The following MCC variants were observed in gnomAD, a reference collection of about 807,000 sequenced individuals.
MCC encodes colorectal mutant cancer protein.
A neutral mutation model predicts 116.2 loss-of-function variants in MCC; 90 were observed. The ratio of observed to expected loss-of-function variants is 0.77; its 90% confidence interval spans 0.65 to 0.92. MCC has a LOEUF of 0.92. Among genes scored for constraint, MCC ranks in the 40% least tolerant of loss-of-function variants. MCC has a pLI of 0.00. For missense variants in MCC, 1,516 were observed against 1,312.2 expected (o/e 1.16, Z -2.40); for synonymous variants, 578 against 510.5 (o/e 1.13, Z -1.78).
chr5:113,141,503 G>C (rs1463766651), intron 5 of MCC, among the ~76,000 whole-genome samples: 4 of 152,166 alleles, frequency 2.6e-5, no homozygotes, highest in East Asian at 1.9e-4. Flanking sequence ...TAATTCAGAG[G>C]CCAAACCAAT....
intron 6 of MCC, among the ~76,000 whole-genome samples, chr5:113,116,322 CGG>C (rs1191394716): frequency 6.6e-6 from 1 of 152,122 alleles, no homozygotes; most frequent in Non-Finnish European, 1.5e-5. Flanking sequence ...GCTGGGGATG[CGG>C]TAACAACACT....
chr5:113,192,765 A>G (rs573306444), intron 3 of MCC, among the ~76,000 whole-genome samples: 2 of 152,372 alleles, frequency 1.3e-5, no homozygotes, highest in South Asian at 4.1e-4. Flanking sequence ...CCATAGGTTT[A>G]TCAACTAAGA....
At position 113,189,787 on chromosome 5, in the gene MCC, CTTAAA is replaced by C. The variant is rs1050134529; in HGVS notation, c.628-38370_628-38366del. On this transcript the variant is annotated intron_variant, in intron 3 of 18. Transcript: ENST00000408903. The stretch of plus-strand genomic sequence containing the variant: ...AAGGACATGGATGGATACTACCAAA[CTTAAA>C]TTAAATAGGCAAGTTCACTCACTTT... Among the ~76,000 whole-genome samples, 27 of 152,324 alleles carry C rather than the reference CTTAAA, an allele frequency of 1.8e-4. 1 individual carries two copies. The highest frequency in any genetic ancestry group is 5.2e-4 in the Admixed American group (8 of 15,298).
chr5:113,072,304 G>T (rs1416422013), intron 11 of MCC, among the ~76,000 whole-genome samples: 2 of 152,218 alleles, frequency 1.3e-5, no homozygotes, highest in African/African-American at 4.8e-5. Flanking sequence ...GAGTGTAGAA[G>T]AACTAAGATC....
chr5:113,212,294 A>T (rs568384265), intron 3 of MCC, among the ~76,000 whole-genome samples: 20 of 152,326 alleles, frequency 1.3e-4, no homozygotes, highest in African/African-American at 4.6e-4. Context: ...AAGCAGTATG[A>T]TACACATTTC....
chr5:113,302,374 T>C (rs78897606), intron 3 of MCC, among the ~76,000 whole-genome samples: 1 of 152,162 alleles, frequency 6.6e-6, no homozygotes, highest in Non-Finnish European at 1.5e-5. Flanking sequence ...ACTCTGCATA[T>C]TAAAAGAGAC....
At chr5:113,348,096 G>C (rs916118641) in intron 2 of MCC, among the ~76,000 whole-genome samples, 6 of 152,014 alleles carry the variant, frequency 3.9e-5, no homozygotes, top group African/African-American at 1.4e-4. Context: ...GAGAGAGAGA[G>C]ATCTCAATGC....
rs568779960 is a variant in MCC, at chr5:113,073,837, G to A, written c.1785-2603C>T. On this transcript the variant is annotated intron_variant, in intron 11 of 18. Transcript: ENST00000408903. Reference sequence around the variant, plus strand: ...GCCACAGCGAGGTTGGGGGACGGGCGTCCGCCACTGCTGAGGGTTGAGTAG... The same window carrying A: ...GCCACAGCGAGGTTGGGGGACGGGCATCCGCCACTGCTGAGGGTTGAGTAG... Among the ~76,000 whole-genome samples the A allele has an allele frequency of 3.3e-5, 5 of 152,300 alleles. No homozygotes were observed. In the East Asian group the frequency reaches 7.7e-4, roughly 24 times the overall value.
chr5:113,192,140 G>T (rs1259703313), intron 3 of MCC, among the ~76,000 whole-genome samples: 3 of 152,218 alleles, frequency 2.0e-5, no homozygotes, highest in Non-Finnish European at 4.4e-5. Context: ...AGTGCCACAT[G>T]CCCCTTCCTT....
chr5:113,245,858 T>C (rs909757228), intron 3 of MCC, among the ~76,000 whole-genome samples: 2 of 152,128 alleles, frequency 1.3e-5, no homozygotes, highest in African/African-American at 4.8e-5. Flanking sequence ...AGGAAAAAAG[T>C]CACCAGGAGT....
chr5:113,248,827 CTCT>C lies in MCC; in HGVS notation c.627+91689_627+91691del, dbSNP rs767573196. Among the ~76,000 whole-genome samples, 149 of 134,558 alleles carry C rather than the reference CTCT, an allele frequency of 1.1e-3. 1 individual carries two copies. The highest frequency in any genetic ancestry group is 2.1e-3 in the Non-Finnish European group (132 of 62,438). 88.3% of individuals were successfully genotyped at this position (134,558 alleles called of 152,430 possible). Reference sequence around the variant, plus strand: ...TGCTGCATGTGCTCTCATTCTCTCTCTCTTCTTTTTTTTTTTTTGAGATGGAGT... The same window carrying C: ...TGCTGCATGTGCTCTCATTCTCTCTCTCTTTTTTTTTTTTTGAGATGGAGT... On this transcript the variant is annotated intron_variant, in intron 3 of 18. Coordinates refer to ENST00000408903, the MANE Select transcript of MCC (RefSeq NM_001085377.2).
chr5:113,141,803 G>A (rs543915575), intron 5 of MCC, among the ~76,000 whole-genome samples: 73 of 152,282 alleles, frequency 4.8e-4, no homozygotes, highest in African/African-American at 1.5e-3. Context: ...TAAACATCTT[G>A]AAATTGAGAT....
chr5:113,472,181 G>C (rs1772112957), intron 1 of MCC, among the ~76,000 whole-genome samples: 1 of 152,240 alleles, frequency 6.6e-6, no homozygotes, highest in Admixed American at 6.5e-5. Context: ...TGCACCTACT[G>C]TCTGGCACTC....
intron 3 of MCC, among the ~76,000 whole-genome samples, chr5:113,335,980 T>TA (rs1266938581): frequency 6.6e-6 from 1 of 151,712 alleles, no homozygotes; most frequent in East Asian, 1.9e-4. Context: ...TATTGGCTTA[T>TA]AGTTCTGGAG....
chr5:113,112,922 T>G (rs1251955175), intron 6 of MCC, among the ~76,000 whole-genome samples: 5 of 152,248 alleles, frequency 3.3e-5, no homozygotes, highest in African/African-American at 1.2e-4. Context: ...AGCCTGCTAA[T>G]AGGGCAGAAA....
chr5:113,421,027 A>AT (rs1386230891), intron 1 of MCC, among the ~76,000 whole-genome samples: 3 of 145,148 alleles, frequency 2.1e-5, no homozygotes, highest in African/African-American at 5.1e-5. Flanking sequence ...AATTTTATTT[A>AT]TTTATTTTTT....
chr5:113,427,399 T>C (rs1414466462), intron 1 of MCC, among the ~76,000 whole-genome samples: 1 of 152,222 alleles, frequency 6.6e-6, no homozygotes, highest in Non-Finnish European at 1.5e-5. Context: ...GGAAGAAACA[T>C]ACTGTTGACT....
At chr5:113,290,121 A>G (rs984681319) in intron 3 of MCC, among the ~76,000 whole-genome samples, 2 of 152,250 alleles carry the variant, frequency 1.3e-5, no homozygotes, top group African/African-American at 2.4e-5. Flanking sequence ...CTTCTATACA[A>G]TTCTCCTTCT....
intron 3 of MCC, among the ~76,000 whole-genome samples, chr5:113,251,429 T>C (rs1324740371): frequency 6.6e-6 from 1 of 152,200 alleles, no homozygotes; most frequent in Non-Finnish European, 1.5e-5. Flanking sequence ...TTTCTGATAG[T>C]TGGAAATCTC....
Sources: gnomAD v4.1 joint callset for allele counts (sites outside exome capture counted in the v4.1 genomes callset) on GRCh38, gnomAD v4.1.1 for gene constraint, MANE v1.5 for transcripts, NCBI Gene and HGNC (gene_info 2026-07-23, HGNC 2026-07-21) for gene names.